The following ANKRD33B variants were observed in gnomAD, a reference collection of about 807,000 sequenced individuals.
ANKRD33B encodes the protein ankyrin repeat domain-containing protein 33B.
In ANKRD33B, 6 loss-of-function variants were observed where a neutral mutation model predicts 21.5. That is an observed-to-expected ratio of 0.28 (90% confidence interval 0.15 to 0.55). The LOEUF (loss-of-function observed/expected upper bound fraction) is 0.55. Among genes scored for constraint, ANKRD33B ranks in the 20% least tolerant of loss-of-function variants. The pLI is 0.94. For synonymous variants in ANKRD33B, 347 were observed against 342.4 expected (o/e 1.01, Z -0.15); for missense variants, 698 against 747.2 (o/e 0.93, Z 0.77).
intron 1 of ANKRD33B, among the ~76,000 whole-genome samples, chr5:10,606,548 A>G (rs1006314340): frequency 2.0e-5 from 3 of 152,092 alleles, no homozygotes; most frequent in Admixed American, 6.5e-5. Context: ...ATCCTGGCCA[A>G]CATGGTGAAG....
At chr5:10,591,119 C>T (rs773242236) in intron 1 of ANKRD33B, among the ~76,000 whole-genome samples, 11 of 151,518 alleles carry the variant, frequency 7.3e-5, no homozygotes, top group Non-Finnish European at 1.0e-4. Flanking sequence ...TTATGGTTTC[C>T]GGCCTTGCTC....
intron 2 of ANKRD33B, among the ~76,000 whole-genome samples, chr5:10,635,463 A>G (rs1736834250): frequency 2.0e-5 from 3 of 152,228 alleles, no homozygotes; most frequent in Non-Finnish European, 4.4e-5. Flanking sequence ...TAAATGAGTC[A>G]AAAAAGCACC....
intron 3 of ANKRD33B, among the ~76,000 whole-genome samples, chr5:10,643,037 T>C (rs1004172128): frequency 1.3e-5 from 2 of 152,158 alleles, no homozygotes; most frequent in African/African-American, 2.4e-5. Flanking sequence ...CCTGAGTAGC[T>C]AGGACTACAG....
At chr5:10,623,278 AG>A (rs1736466925) in intron 2 of ANKRD33B, among the ~76,000 whole-genome samples, 1 of 152,098 alleles carries the variant, frequency 6.6e-6, no homozygotes, top group African/African-American at 2.4e-5. Context: ...GGAATTTTGC[AG>A]GGTTCACTGA....
At chr5:10,603,663 A>G (rs1393962262) in intron 1 of ANKRD33B, among the ~76,000 whole-genome samples, 4 of 152,200 alleles carry the variant, frequency 2.6e-5, no homozygotes, top group Admixed American at 6.5e-5. Flanking sequence ...CCTATTCAGA[A>G]TCAATTACTA....
chr5:10,649,667 G>A lies in ANKRD33B; in HGVS notation c.1039G>A (p.Ala347Thr). 2 of 1,529,566 alleles carry A rather than the reference G, an allele frequency of 1.3e-6. No individual in the cohort carries two copies. Among genetic ancestry groups the A allele is most frequent in the Non-Finnish European group, 1.7e-6 (2 of 1,143,936 alleles). The allele number at this position is 1,529,566 out of a possible 1,614,324, so 94.7% of individuals were successfully genotyped here. A position where few individuals can be genotyped will look rare whatever the true frequency, so the allele number is the denominator to read the frequency against. ...KRRLAVQEIL[A>T]ARAARGPQAQ... is the part of the protein sequence containing the mutation. Reference sequence around the variant, plus strand: ...GCGGCTGGCGGTGCAGGAGATCCTGGCGGCGCGGGCTGCACGGGGCCCCCA... The same window carrying A: ...GCGGCTGGCGGTGCAGGAGATCCTGACGGCGCGGGCTGCACGGGGCCCCCA... Residue 347 changes from alanine to threonine, a missense_variant, in exon 4 of 4, where the codon GCG (alanine) becomes ACG (threonine). Transcript: ENST00000296657.
At chr5:10,574,481 T>G (rs1183792341) in intron 1 of ANKRD33B, among the ~76,000 whole-genome samples, 3 of 152,090 alleles carry the variant, frequency 2.0e-5, no homozygotes, top group African/African-American at 7.2e-5. Flanking sequence ...AGCTGAAAAG[T>G]AATAAAAATA....
At chr5:10,573,788 C>T (rs998144428) in intron 1 of ANKRD33B, among the ~76,000 whole-genome samples, 2 of 152,184 alleles carry the variant, frequency 1.3e-5, no homozygotes, top group Admixed American at 6.5e-5. Flanking sequence ...GGGAATCTGC[C>T]CCCATGATCC....
Position 10,652,703 on chromosome 5 carries a change from T to A in ANKRD33B, c.*2590T>A, listed in dbSNP as rs1447336249. ...GATGGGACAGCAAATGACTGGCAAT[T>A]TCCCCAGGTCCCACGCTGTTCTGGA... On this transcript the variant is annotated 3_prime_UTR_variant, in exon 4 of 4. Transcript: ENST00000296657. This position sits in a 1 kb window ranked among gnomAD's most constrained non-coding sequence, Gnocchi z 4.1. 6.1e-6 allele frequency: 1 copy of A among 164,972 alleles called. No individual in the cohort carries two copies. Among genetic ancestry groups the A allele is most frequent in the East Asian group, 1.7e-4 (1 of 5,750 alleles). The allele number at this position is 164,972 out of a possible 1,614,324, so 10.2% of individuals were successfully genotyped here.
intron 1 of ANKRD33B, among the ~76,000 whole-genome samples, chr5:10,589,461 T>A (rs1381141320): frequency 6.6e-6 from 1 of 152,238 alleles, no homozygotes; most frequent in Non-Finnish European, 1.5e-5. Context: ...CATTTCCTTC[T>A]ACACTTTGCC....
intron 1 of ANKRD33B, among the ~76,000 whole-genome samples, chr5:10,583,497 AC>A (rs1312935864): frequency 6.6e-6 from 1 of 152,130 alleles, no homozygotes; most frequent in Admixed American, 6.5e-5. Context: ...GGATGCCAGC[AC>A]CAGTGCCTTC....
In ANKRD33B at chr5:10,619,539, C is replaced by G. The variant is rs983504060; in HGVS notation, c.496+1077C>G. Among the ~76,000 whole-genome samples the G allele has an allele frequency of 1.3e-5, 2 of 152,172 alleles. No homozygotes were observed. Among genetic ancestry groups the G allele is most frequent in the African/African-American group, 4.8e-5 (2 of 41,436 alleles). ...AACCAGTGTTTGACAGTTTCATCCC[C>G]TGTGGTGGGAGTGGTCTGGGCACCC... is the stretch of plus-strand genomic sequence containing the variant. On this transcript the variant is annotated intron_variant, in intron 2 of 3. Transcript: ENST00000296657. The surrounding 1 kb of genome is among the most constrained non-coding windows in gnomAD (Gnocchi z 4.5).
In ANKRD33B at chr5:10,657,814, G is replaced by A. The variant is rs950433779; in HGVS notation, c.*7701G>A. ...AGAATAAAAAATCACTTGTTAAAAC[G>A]CATTCTTATGGTACAAATGTGTGAT... On this transcript the variant is annotated 3_prime_UTR_variant, in exon 4 of 4. Coordinates refer to ENST00000296657, the MANE Select transcript of ANKRD33B (RefSeq NM_001164440.2). The A allele has an allele frequency of 3.3e-5, 5 of 152,284 alleles. No homozygotes were observed. The highest frequency in any genetic ancestry group is 5.9e-5 in the Non-Finnish European group (4 of 68,010). The allele number at this position is 152,284 out of a possible 1,614,324, so 9.4% of individuals were successfully genotyped here. A position where few individuals can be genotyped will look rare whatever the true frequency, so the allele number is the denominator to read the frequency against.
At position 10,649,852 on chromosome 5, in the gene ANKRD33B, C is replaced by A; in HGVS notation, c.1224C>A (p.Pro408=). The change falls in exon 4 of 4, where the codon CCC becomes CCA. Residue 408 remains proline, a synonymous_variant. Coordinates refer to ENST00000296657, the MANE Select transcript of ANKRD33B (RefSeq NM_001164440.2). ...APAPRKASLL[P]LQRLRRRSVR... ...CCCCGCGGAAGGCCAGCCTCCTGCC[C>A]CTGCAGCGCCTGCGGCGGAGAAGCG... 7.0e-7 allele frequency: 1 copy of A among 1,419,554 alleles called. No homozygotes were observed. The highest frequency in any genetic ancestry group is 1.4e-5 in the South Asian group (1 of 69,572). The allele number at this position is 1,419,554 out of a possible 1,614,324, so 87.9% of individuals were successfully genotyped here. A position where few individuals can be genotyped will look rare whatever the true frequency, so the allele number is the denominator to read the frequency against.
chr5:10,638,113 G>A lies in ANKRD33B; in HGVS notation c.582G>A (p.Leu194=), dbSNP rs753483732. The A allele has an allele frequency of 4.6e-6, 7 of 1,537,484 alleles. No individual in the cohort carries two copies. The Middle Eastern group carries it at 5.0e-4, about 110-fold the overall frequency. Residue 194 remains leucine (L), a synonymous_variant, in exon 3 of 4, where the codon CTG becomes CTA. Transcript: ENST00000296657. ...ERRNAFGFTA[L]MKAAMQGRTD... ...GGAACGCGTTCGGGTTCACCGCCCT[G>A]ATGAAAGCCGCCATGCAGGGTCGAA...
At chr5:10,633,990 C>A (rs970002858) in intron 2 of ANKRD33B, among the ~76,000 whole-genome samples, 1 of 152,204 alleles carries the variant, frequency 6.6e-6, no homozygotes, top group Non-Finnish European at 1.5e-5. Flanking sequence ...GAGGGGGGAA[C>A]ACGTTCTAGC....
intron 1 of ANKRD33B, among the ~76,000 whole-genome samples, chr5:10,615,266 CA>C (rs1736258495): frequency 6.6e-6 from 1 of 152,172 alleles, no homozygotes; most frequent in Non-Finnish European, 1.5e-5. Context: ...TAGCATATTC[CA>C]AGCTGGAATA....
intron 2 of ANKRD33B, among the ~76,000 whole-genome samples, chr5:10,630,476 A>T (rs1382002166): frequency 6.6e-6 from 1 of 152,230 alleles, no homozygotes; most frequent in African/African-American, 2.4e-5. Flanking sequence ...GAAGTCACTT[A>T]ACAAAGGGCA....
At chr5:10,636,795 C>T (rs752870817) in intron 2 of ANKRD33B, among the ~76,000 whole-genome samples, 14 of 152,230 alleles carry the variant, frequency 9.2e-5, no homozygotes, top group Non-Finnish European at 1.6e-4. Context: ...AAGCTCTTTC[C>T]ACCAGGTGTG....
Sources: gnomAD v4.1 joint callset for allele counts (sites outside exome capture counted in the v4.1 genomes callset) on GRCh38, gnomAD v4.1.1 for gene constraint, Gnocchi (gnomAD v3.1) non-coding constraint, MANE v1.5 for transcripts, NCBI Gene and HGNC (gene_info 2026-07-23, HGNC 2026-07-21) for gene names.